Variants in MOB3B observed in about 807,000 individuals in gnomAD.
MOB3B encodes MOB kinase activator 3B, also known as MOB kinase activator-like 2B.
MOB3B carries 7 observed loss-of-function variants against 18.7 expected under a neutral mutation model. The observed-to-expected ratio is 0.37, with a 90% CI of 0.21 to 0.70. The LOEUF is 0.70. Among genes scored for constraint, MOB3B ranks in the 30% least tolerant of loss-of-function variants. The pLI is 0.52. For missense variants in MOB3B, 253 were observed against 281.3 expected, an observed-to-expected ratio of 0.90 and a Z score of 0.72; for synonymous variants, 111 against 99.9, an observed-to-expected ratio of 1.11 and a Z score of -0.66.
In MOB3B at chr9:27,325,798, G is replaced by C. The variant is rs1442224458; in HGVS notation, c.*4789C>G. Reference sequence around the variant, plus strand: ...GCTATACTTTTCCCACAATCTTTTTGCTTTTGTTTTCTCCCAGTGTGGTAC... The same window carrying C: ...GCTATACTTTTCCCACAATCTTTTTCCTTTTGTTTTCTCCCAGTGTGGTAC... On this transcript the variant is annotated 3_prime_UTR_variant, in exon 4 of 4. Coordinates refer to ENST00000262244, the MANE Select transcript of MOB3B (RefSeq NM_024761.5). The C allele has an allele frequency of 1.3e-5, 2 of 152,038 alleles. No individual in the cohort carries two copies. Among genetic ancestry groups the C allele is most frequent in the Admixed American group, 1.3e-4 (2 of 15,266 alleles). The allele number at this position is 152,038 out of a possible 1,614,324, so 9.4% of individuals were successfully genotyped here. A position where few individuals can be genotyped will look rare whatever the true frequency, so the allele number is the denominator to read the frequency against.
chr9:27,425,268 G>A (rs1010093294), intron 2 of MOB3B, among the ~76,000 whole-genome samples: 2 of 151,872 alleles, frequency 1.3e-5, no homozygotes, highest in Non-Finnish European at 2.9e-5. Flanking sequence ...CCAGCTACTC[G>A]GGAGGCTGAG....
intron 1 of MOB3B, among the ~76,000 whole-genome samples, chr9:27,474,410 C>T (rs1819521471): frequency 1.3e-5 from 2 of 152,222 alleles, no homozygotes; most frequent in African/African-American, 2.4e-5. Flanking sequence ...TGGGCCCAAA[C>T]TGACTCCTTA....
intron 3 of MOB3B, among the ~76,000 whole-genome samples, chr9:27,351,448 G>T (rs1466393341): frequency 1.3e-5 from 2 of 152,202 alleles, no homozygotes; most frequent in African/African-American, 4.8e-5. Flanking sequence ...AACTAATGTG[G>T]TAGCATAATA....
At chr9:27,489,387 T>C (rs1183898280) in intron 1 of MOB3B, among the ~76,000 whole-genome samples, 2 of 152,162 alleles carry the variant, frequency 1.3e-5, no homozygotes, top group African/African-American at 4.8e-5. Context: ...AATCCTGAGC[T>C]CTCACTCTTA....
chr9:27,487,153 A>AAAT (rs1241652908), intron 1 of MOB3B, among the ~76,000 whole-genome samples: 234 of 22,892 alleles, frequency 0.01, 1 homozygote, highest in East Asian at 0.071. Flanking sequence ...ATAAATAAAT[A>AAAT]AAATAAATAA....
At chr9:27,409,789 C>T (rs922119842) in intron 2 of MOB3B, among the ~76,000 whole-genome samples, 12 of 151,844 alleles carry the variant, frequency 7.9e-5, no homozygotes, top group South Asian at 4.2e-4. Context: ...ACAGCATGGT[C>T]GAAACATTAT....
intron 1 of MOB3B, among the ~76,000 whole-genome samples, chr9:27,508,321 A>T (rs1820089178): frequency 6.6e-6 from 1 of 152,216 alleles, no homozygotes. Context: ...GGTTTTATAA[A>T]GTATCACATT....
chr9:27,501,725 C>T (rs1483258410), intron 1 of MOB3B, among the ~76,000 whole-genome samples: 1 of 150,636 alleles, frequency 6.6e-6, no homozygotes, highest in Non-Finnish European at 1.5e-5. Flanking sequence ...CAAGATCGCC[C>T]CACTGCACCG....
rs553180828 is a variant in MOB3B, at chr9:27,337,760, G to A, written c.622-7144C>T. 6.8e-4 allele frequency among the ~76,000 whole-genome samples: 104 copies of A among 152,304 alleles called. 1 individual carries two copies. The highest frequency in any genetic ancestry group is 2.2e-3 in the African/African-American group (90 of 41,562). The stretch of plus-strand genomic sequence containing the variant: ...GTGAGGTTTCTTCTAGTGTCGTGGC[G>A]CTATGAGAGGCATGGTGATACTGTT... On this transcript the variant is annotated intron_variant, in intron 3 of 3. Coordinates refer to ENST00000262244, the MANE Select transcript of MOB3B (RefSeq NM_024761.5).
chr9:27,402,346 T>A (rs1821897882), intron 2 of MOB3B, among the ~76,000 whole-genome samples: 1 of 152,236 alleles, frequency 6.6e-6, no homozygotes, highest in Admixed American at 6.5e-5. Context: ...ACTCGGTCTA[T>A]CTTGATTCCC....
chr9:27,375,233 G>T (rs891530236), intron 2 of MOB3B, among the ~76,000 whole-genome samples: 2 of 152,170 alleles, frequency 1.3e-5, no homozygotes, highest in African/African-American at 2.4e-5. Flanking sequence ...CAGCTTCTTT[G>T]TTCTCCCAGC....
At chr9:27,398,012 T>C (rs1466081932) in intron 2 of MOB3B, among the ~76,000 whole-genome samples, 3 of 152,278 alleles carry the variant, frequency 2.0e-5, no homozygotes, top group Admixed American at 6.5e-5. Context: ...TTTACCCAAG[T>C]CTCCCGTCTT....
At chr9:27,433,833 A>C (rs1021141647) in intron 2 of MOB3B, among the ~76,000 whole-genome samples, 3 of 152,198 alleles carry the variant, frequency 2.0e-5, no homozygotes, top group Non-Finnish European at 4.4e-5. Context: ...ACCTTTACAG[A>C]GCCTGCAGAG....
chr9:27,442,338 T>C (rs1268166019), intron 2 of MOB3B, among the ~76,000 whole-genome samples: 2 of 152,204 alleles, frequency 1.3e-5, no homozygotes, highest in Non-Finnish European at 2.9e-5. Flanking sequence ...CCTAATTCCG[T>C]TTTCCTACTT....
intron 2 of MOB3B, among the ~76,000 whole-genome samples, chr9:27,412,068 A>C (rs1012923757): frequency 1.3e-5 from 2 of 152,192 alleles, no homozygotes; most frequent in Non-Finnish European, 2.9e-5. Flanking sequence ...TCGTTTCATT[A>C]ACAAGGAGAA....
intron 2 of MOB3B, among the ~76,000 whole-genome samples, chr9:27,379,738 G>C (rs1209150887): frequency 6.6e-6 from 1 of 152,138 alleles, no homozygotes; most frequent in East Asian, 1.9e-4. Flanking sequence ...CACCAGGAGA[G>C]TGAAACAGAC....
At position 27,524,681 on chromosome 9, in the gene MOB3B, A is replaced by C. The variant is rs182527016; in HGVS notation, c.-199+4874T>G. 103 of 1,614,090 alleles carry C rather than the reference A, an allele frequency of 6.4e-5. No individual in the cohort carries two copies. The African/African-American group carries it at 1.3e-3, about 20-fold the overall frequency. ...AAGAGAGACACCTCAAACAAATCCA[A>C]ATAGGACTTGATCAGCAAGCAGAGT... On this transcript the variant is annotated intron_variant, in intron 1 of 3. Transcript: ENST00000262244.
chr9:27,454,695 C>T (rs1822842264), intron 2 of MOB3B, among the ~76,000 whole-genome samples: 1 of 152,168 alleles, frequency 6.6e-6, no homozygotes, highest in African/African-American at 2.4e-5. Context: ...GAATTTGAAC[C>T]CCCAGTTTGT....
intron 3 of MOB3B, among the ~76,000 whole-genome samples, chr9:27,357,920 A>AAAAAAAAAAAAAAAAAAAAC (rs1821217644): frequency 7.4e-6 from 1 of 135,928 alleles, no homozygotes; most frequent in Non-Finnish European, 1.6e-5. Flanking sequence ...AAAAAAAAAA[A>AAAAAAAAAAAAAAAAAAAAC]ATAGCCATGC....
Sources: allele counts gnomAD v4.1 joint callset (sites outside exome capture counted in the v4.1 genomes callset), GRCh38; gene constraint gnomAD v4.1.1; transcripts MANE v1.5; gene names NCBI Gene and HGNC (gene_info 2026-07-23, HGNC 2026-07-21).